FSD2: variants seen among roughly 807,000 people sequenced by gnomAD.
FSD2 encodes the protein fibronectin type III and SPRY domain-containing protein 2.
A neutral mutation model predicts 80.4 loss-of-function variants in FSD2; 71 were observed. The observed-to-expected ratio is 0.88, with a 90% CI of 0.73 to 1.08. The LOEUF (loss-of-function observed/expected upper bound fraction) is 1.08. FSD2 is among the 50% of genes least tolerant of loss of function. The pLI, the probability that FSD2 is intolerant of heterozygous loss-of-function variation, is 0.00. For missense variants in FSD2, 923 were observed against 913.8 expected, an observed-to-expected ratio of 1.01 and a Z score of -0.13; for synonymous variants, 361 against 329.5, an observed-to-expected ratio of 1.10 and a Z score of -1.03.
At chr15:82,790,384 T>A (rs1393420882) in intron 1 of FSD2, among the ~76,000 whole-genome samples, 1 of 152,242 alleles carries the variant, frequency 6.6e-6, no homozygotes, top group Non-Finnish European at 1.5e-5. Flanking sequence ...GTCTGGCAGC[T>A]CTTCCAGCCT....
intron 10 of FSD2, among the ~76,000 whole-genome samples, 197 bp downstream of exon 10, chr15:82,765,701 A>G (rs543402034): frequency 6.6e-6 from 1 of 152,312 alleles, no homozygotes; most frequent in Admixed American, 6.5e-5. Context: ...GGAAATAGGA[A>G]TTGAAGGACT....
At chr15:82,802,722 G>A (rs2050443098) in intron 1 of FSD2, among the ~76,000 whole-genome samples, 1 of 152,144 alleles carries the variant, frequency 6.6e-6, no homozygotes, top group African/African-American at 2.4e-5. Flanking sequence ...CTTAGGAGCA[G>A]TTCCTCATTT....
chr15:82,779,609 T>G (rs977495371), intron 5 of FSD2, among the ~76,000 whole-genome samples: 1 of 149,340 alleles, frequency 6.7e-6, no homozygotes, highest in Non-Finnish European at 1.5e-5. Flanking sequence ...GAGGTTGCAG[T>G]GAGCTGAGAC....
chr15:82,757,232 A>C lies in FSD2; in HGVS notation c.*2116T>G, dbSNP rs2151480687. The C allele has an allele frequency of 6.6e-6, 1 of 152,242 alleles. No individual in the cohort carries two copies. The highest frequency in any genetic ancestry group is 2.4e-5 in the African/African-American group (1 of 41,514). 9.4% of individuals were successfully genotyped at this position (152,242 alleles called of 1,614,324 possible). A position where few individuals can be genotyped will look rare whatever the true frequency, so the allele number is the denominator to read the frequency against. On this transcript the variant is annotated 3_prime_UTR_variant, in exon 13 of 13. Coordinates refer to ENST00000334574, the MANE Select transcript of FSD2 (RefSeq NM_001007122.4). The stretch of plus-strand genomic sequence containing the variant: ...TACGTGTTGAGTTTTTAATCCATTT[A>C]TCCGTGTTCATACTAACGTGTAGTA...
intron 1 of FSD2, among the ~76,000 whole-genome samples, chr15:82,795,874 A>G (rs2050252911): frequency 6.6e-6 from 1 of 151,862 alleles, no homozygotes; most frequent in African/African-American, 2.4e-5. Flanking sequence ...TTATGATAGG[A>G]GAGTAATTAT....
intron 1 of FSD2, among the ~76,000 whole-genome samples, chr15:82,788,881 G>T (rs2050072126): frequency 6.6e-6 from 1 of 151,844 alleles, no homozygotes; most frequent in Admixed American, 6.6e-5. Flanking sequence ...AGGTGTGGTG[G>T]TGCATGCCTG....
chr15:82,762,283 T>A lies in FSD2; in HGVS notation c.1821-5A>T, dbSNP rs1431319717. ...TTTCCCATGACAGCAACACACCTGG[T>A]TTTAGAAAGTGGAAGCATGTGTGAT... On this transcript the variant is annotated splice_polypyrimidine_tract_variant and splice_region_variant and intron_variant, in intron 11 of 12. Coordinates refer to ENST00000334574, the MANE Select transcript of FSD2 (RefSeq NM_001007122.4). 6.2e-7 allele frequency: 1 copy of A among 1,612,564 alleles called. No homozygotes were observed. The highest frequency in any genetic ancestry group is 8.5e-7 in the Non-Finnish European group (1 of 1,179,214).
chr15:82,791,682 A>T (rs752370045), intron 1 of FSD2, among the ~76,000 whole-genome samples: 1 of 152,122 alleles, frequency 6.6e-6, no homozygotes, highest in Admixed American at 6.5e-5. Context: ...GTAATTTTAG[A>T]GCATTTTTAT....
chr15:82,798,873 G>GTTTTTTTTTTTTTTTTTTTTTTTTT lies in FSD2; in HGVS notation c.-79+7092_-79+7093insAAAAAAAAAAAAAAAAAAAAAAAAA, dbSNP rs149986626. ...AAGTTTTCTTTCCACTATCTCCACTGTTTTGTTTTTTTTTTTTTTTTTGAG... is the reference window on the plus strand; with the variant it reads ...AAGTTTTCTTTCCACTATCTCCACTGTTTTTTTTTTTTTTTTTTTTTTTTTTTTTGTTTTTTTTTTTTTTTTTGAG... On this transcript the variant is annotated intron_variant, in intron 1 of 12. Coordinates refer to ENST00000334574, the MANE Select transcript of FSD2 (RefSeq NM_001007122.4). 4.5e-5 allele frequency among the ~76,000 whole-genome samples: 5 copies of GTTTTTTTTTTTTTTTTTTTTTTTTT among 111,472 alleles called. 2 individuals carry two copies. The highest frequency in any genetic ancestry group is 7.0e-5 in the Non-Finnish European group (4 of 57,494). The allele number at this position is 111,472 out of a possible 152,430, so 73.1% of individuals were successfully genotyped here.
intron 12 of FSD2, 151 bp downstream of exon 12, chr15:82,761,951 G>T: frequency 7.3e-6 from 5 of 683,270 alleles, no homozygotes; most frequent in Non-Finnish European, 1.2e-5. Context: ...CCTCTTACTT[G>T]GACTTTAGGG....
At chr15:82,762,424 C>G in intron 11 of FSD2, 146 bp from the exon 12 acceptor site, 1 of 652,984 alleles carries the variant, frequency 1.5e-6, no homozygotes, top group Non-Finnish European at 2.6e-6. Flanking sequence ...TGTAAAGTAC[C>G]CTTAGCTCTC....
chr15:82,759,524 G>C lies in FSD2; in HGVS notation c.2074C>G (p.Leu692Val). The stretch of plus-strand genomic sequence containing the variant: ...AACTTTGAATGTTCATAGTCTAATA[G>C]AATGCCAATCTTCTTTGGTGGAACT... ...ITVPPKKIGILLDYEHSKLSF... is the reference protein window; with the variant it reads ...ITVPPKKIGIVLDYEHSKLSF... The change falls in exon 13 of 13, where the codon CTA becomes GTA. Residue 692 changes from leucine to valine, a missense_variant. Physicochemically the swap from Leu to Val is conservative, Grantham distance 32 (BLOSUM62 1). Coordinates refer to ENST00000334574, the MANE Select transcript of FSD2 (RefSeq NM_001007122.4). 1.2e-6 allele frequency: 2 copies of C among 1,610,378 alleles called. No individual in the cohort carries two copies. The highest frequency in any genetic ancestry group is 2.2e-5 in the East Asian group (1 of 44,844).
intron 6 of FSD2, among the ~76,000 whole-genome samples, chr15:82,775,360 T>A (rs2049691449): frequency 6.6e-6 from 1 of 151,692 alleles, no homozygotes; most frequent in African/African-American, 2.4e-5. Flanking sequence ...ATCGCACCAT[T>A]GCACTCCAAC....
chr15:82,801,507 T>C (rs900228456), intron 1 of FSD2, among the ~76,000 whole-genome samples: 3 of 152,160 alleles, frequency 2.0e-5, no homozygotes, highest in African/African-American at 7.2e-5. Flanking sequence ...CCTGGGGACC[T>C]TCTCTCTTCT....
At position 82,758,514 on chromosome 15, in the gene FSD2, T is replaced by C. The variant is rs1372513767; in HGVS notation, c.*834A>G. The stretch of plus-strand genomic sequence containing the variant: ...ATGCCACAGATGCCCTTCTGTTCTT[T>C]CACGCTGCCTCCATTCTAGGTTTTT... On this transcript the variant is annotated 3_prime_UTR_variant, in exon 13 of 13. Coordinates refer to ENST00000334574, the MANE Select transcript of FSD2 (RefSeq NM_001007122.4). The C allele has an allele frequency of 6.5e-6, 1 of 153,258 alleles. No homozygotes were observed. The highest frequency in any genetic ancestry group is 1.5e-5 in the Non-Finnish European group (1 of 68,056). The allele number at this position is 153,258 out of a possible 1,614,324, so 9.5% of individuals were successfully genotyped here.
chr15:82,801,559 G>C (rs2050413204), intron 1 of FSD2, among the ~76,000 whole-genome samples: 1 of 152,098 alleles, frequency 6.6e-6, no homozygotes, highest in Non-Finnish European at 1.5e-5. Flanking sequence ...GTTTTTCTAG[G>C]TACTGTATCA....
chr15:82,768,212 C>T (rs1298474400), intron 9 of FSD2, among the ~76,000 whole-genome samples: 1 of 152,158 alleles, frequency 6.6e-6, no homozygotes, highest in African/African-American at 2.4e-5. Flanking sequence ...TGGCTTTCAC[C>T]CTCACCTCTC....
Position 82,759,063 on chromosome 15 carries a change from C to A in FSD2, c.*285G>T. The A allele has an allele frequency of 2.8e-6, 1 of 351,304 alleles. No individual in the cohort carries two copies. The highest frequency in any genetic ancestry group is 5.6e-5 in the East Asian group (1 of 17,966). The allele number at this position is 351,304 out of a possible 1,614,324, so 21.8% of individuals were successfully genotyped here. A position where few individuals can be genotyped will look rare whatever the true frequency, so the allele number is the denominator to read the frequency against. ...GGAAACTCAAGATATTTTGCATATA[C>A]ACGAATATAGTTTGACAGCTTCAAA... On this transcript the variant is annotated 3_prime_UTR_variant, in exon 13 of 13. Transcript: ENST00000334574.
intron 11 of FSD2, 136 bp downstream of exon 11, chr15:82,765,030 G>A: frequency 1.8e-6 from 2 of 1,103,348 alleles, no homozygotes; most frequent in South Asian, 1.9e-5. Context: ...CTCCCCATTA[G>A]GCTCCTCCCT....
Sources: allele counts gnomAD v4.1 joint callset (sites outside exome capture counted in the v4.1 genomes callset), GRCh38; gene constraint gnomAD v4.1.1; transcripts MANE v1.5; gene names NCBI Gene and HGNC (gene_info 2026-07-23, HGNC 2026-07-21).